Variants in SYT1 observed in about 807,000 individuals in gnomAD.
The protein encoded by SYT1 is synaptotagmin 1.
Under a neutral mutation model 44.8 loss-of-function variants are expected in SYT1, and 8 were observed. The observed-to-expected ratio is 0.18, with a 90% CI of 0.10 to 0.32. SYT1 has a LOEUF of 0.32. Among genes scored for constraint, SYT1 ranks in the 10% least tolerant of loss-of-function variants. The pLI is 1.00. For missense variants in SYT1, 286 were observed against 509.3 expected (o/e 0.56, Z 4.22); for synonymous variants, 154 against 188.8 (o/e 0.82, Z 1.51).
chr12:78,961,954 C>A (rs929878887), intron 1 of SYT1, among the ~76,000 whole-genome samples: 1 of 152,110 alleles, frequency 6.6e-6, no homozygotes, highest in Non-Finnish European at 1.5e-5. Context: ...AATATTCTTA[C>A]AATTTTTTAA....
Position 79,247,538 on chromosome 12 carries a change from A to T in SYT1, c.166+29853A>T, listed in dbSNP as rs531205868. On this transcript the variant is annotated intron_variant, in intron 4 of 10. Transcript: ENST00000261205. ...ATGGGAAATTATTAAGAACTCCAGGATTATTAGCATCCCACCTGCAATTGA... is the reference window on the plus strand; with the variant it reads ...ATGGGAAATTATTAAGAACTCCAGGTTTATTAGCATCCCACCTGCAATTGA... Among the ~76,000 whole-genome samples the T allele has an allele frequency of 3.3e-5, 5 of 152,332 alleles. No individual in the cohort carries two copies. The South Asian group carries it at 1.0e-3, about 32-fold the overall frequency.
intron 9 of SYT1, among the ~76,000 whole-genome samples, chr12:79,383,809 C>T (rs1372842934): frequency 1.3e-5 from 2 of 152,140 alleles, no homozygotes; most frequent in African/African-American, 2.4e-5. Flanking sequence ...GCACTTGGGC[C>T]TTTCTAAAAG....
chr12:78,939,125 G>T (rs1219647776), intron 1 of SYT1, among the ~76,000 whole-genome samples: 1 of 152,022 alleles, frequency 6.6e-6, no homozygotes, highest in Admixed American at 6.6e-5. Flanking sequence ...TTTTAATCAG[G>T]TAGTTTTTAA....
intron 2 of SYT1, among the ~76,000 whole-genome samples, chr12:79,041,285 C>A (rs1440892174): frequency 6.6e-6 from 1 of 152,028 alleles, no homozygotes; most frequent in Non-Finnish European, 1.5e-5. Context: ...TTGTTTGTAT[C>A]CTCTTTTATT....
intron 1 of SYT1, among the ~76,000 whole-genome samples, chr12:78,889,790 T>A (rs1365985039): frequency 6.6e-6 from 1 of 152,004 alleles, no homozygotes; most frequent in Non-Finnish European, 1.5e-5. Flanking sequence ...TAAACACTTT[T>A]GGATTTTGAA....
intron 3 of SYT1, among the ~76,000 whole-genome samples, chr12:79,167,279 T>A (rs1396611199): frequency 6.6e-6 from 1 of 152,008 alleles, no homozygotes; most frequent in African/African-American, 2.4e-5. Context: ...ATAAAGGAAA[T>A]AAACCCAAAA....
intron 9 of SYT1, among the ~76,000 whole-genome samples, chr12:79,370,109 C>T (rs984884738): frequency 1.3e-5 from 2 of 151,928 alleles, no homozygotes; most frequent in Admixed American, 6.6e-5. Flanking sequence ...AATGAGTCTC[C>T]GGCAACAGAG....
intron 8 of SYT1, among the ~76,000 whole-genome samples, chr12:79,325,399 G>C (rs192847849): frequency 6.6e-6 from 1 of 151,896 alleles, no homozygotes; most frequent in African/African-American, 2.4e-5. Context: ...GGTGGATGTG[G>C]GAAAACAAAC....
At chr12:79,001,878 G>GT (rs139418540) in intron 2 of SYT1, among the ~76,000 whole-genome samples, 4,250 of 150,476 alleles carry the variant, frequency 0.028, 143 homozygotes, top group African/African-American at 0.084. Flanking sequence ...AGATAAACTA[G>GT]TGTTTTTTTT....
chr12:79,258,749 G>A (rs1877670847), intron 4 of SYT1, among the ~76,000 whole-genome samples: 1 of 152,164 alleles, frequency 6.6e-6, no homozygotes, highest in Middle Eastern at 3.2e-3. Context: ...GCAATCAAAG[G>A]TAGTCATATG....
chr12:79,013,602 G>T (rs556165899), intron 2 of SYT1, among the ~76,000 whole-genome samples: 148 of 152,130 alleles, frequency 9.7e-4, no homozygotes, highest in African/African-American at 3.4e-3. Flanking sequence ...TATATTTCCT[G>T]CGTTTTTTCC....
chr12:79,179,111 TATAG>T (rs1471010696), intron 3 of SYT1, among the ~76,000 whole-genome samples: 2 of 128,824 alleles, frequency 1.6e-5, no homozygotes, highest in African/African-American at 6.0e-5. Flanking sequence ...GATATATAGA[TATAG>T]ATATAGATAT....
intron 3 of SYT1, among the ~76,000 whole-genome samples, chr12:79,125,145 AG>A: frequency 6.6e-6 from 1 of 152,180 alleles, no homozygotes. Context: ...TAAGCATCTT[AG>A]GGCTCAGCAG....
chr12:79,107,315 G>GTAA (rs1194346950), intron 3 of SYT1, among the ~76,000 whole-genome samples: 1 of 151,896 alleles, frequency 6.6e-6, no homozygotes, highest in Non-Finnish European at 1.5e-5. Flanking sequence ...AATATAAAGT[G>GTAA]TAATGGTTAT....
intron 3 of SYT1, among the ~76,000 whole-genome samples, chr12:79,107,797 T>C (rs1258465439): frequency 6.6e-6 from 1 of 151,924 alleles, no homozygotes; most frequent in East Asian, 1.9e-4. Context: ...ATGGAAATAA[T>C]TTATTATCAA....
chr12:78,903,302 T>G (rs866532893), intron 1 of SYT1, among the ~76,000 whole-genome samples: 1 of 151,554 alleles, frequency 6.6e-6, no homozygotes. Flanking sequence ...ATATATATTT[T>G]TGAGATGGAG....
At chr12:78,920,544 T>G (rs1876924536) in intron 1 of SYT1, among the ~76,000 whole-genome samples, 5 of 139,582 alleles carry the variant, frequency 3.6e-5, no homozygotes, top group African/African-American at 1.4e-4. Flanking sequence ...CCCACTTAGG[T>G]GCATGCATTT....
At chr12:79,378,447 G>A (rs981836186) in intron 9 of SYT1, among the ~76,000 whole-genome samples, 2 of 152,166 alleles carry the variant, frequency 1.3e-5, no homozygotes, top group African/African-American at 2.4e-5. Context: ...GCTAGATTAC[G>A]TAGCCCATGA....
chr12:79,060,792 GA>G (rs1875326023), intron 3 of SYT1, among the ~76,000 whole-genome samples: 1 of 151,988 alleles, frequency 6.6e-6, no homozygotes, highest in Admixed American at 6.6e-5. Flanking sequence ...TGCAAATATA[GA>G]AATGCAATGA....
Sources: gnomAD v4.1 joint callset for allele counts (sites outside exome capture counted in the v4.1 genomes callset) on GRCh38, gnomAD v4.1.1 for gene constraint, MANE v1.5 for transcripts, NCBI Gene and HGNC (gene_info 2026-07-23, HGNC 2026-07-21) for gene names.